NRXN3: variants seen among roughly 807,000 people sequenced by gnomAD.
The protein encoded by NRXN3 is neurexin 3.
A neutral mutation model predicts 137.6 loss-of-function variants in NRXN3; 32 were observed. The ratio of observed to expected loss-of-function variants is 0.23; its 90% CI spans 0.18 to 0.31. NRXN3 has a LOEUF of 0.31. Ranked by LOEUF, NRXN3 falls within the 10% of genes least tolerant of loss-of-function variation. The pLI, the probability that NRXN3 is intolerant of heterozygous loss-of-function variation, is 1.00. For missense variants in NRXN3, 1,574 were observed against 2,062.5 expected, an observed-to-expected ratio of 0.76 and a Z score of 4.59; for synonymous variants, 798 against 784.5, an observed-to-expected ratio of 1.02 and a Z score of -0.29.
At chr14:78,441,851 C>G (rs546035495) in intron 4 of NRXN3, among the ~76,000 whole-genome samples, 1 of 152,086 alleles carries the variant, frequency 6.6e-6, no homozygotes, top group Admixed American at 6.5e-5. Context: ...AATCCCAGCA[C>G]TTTGGGAGGC....
At chr14:78,887,840 G>A (rs1049050612) in intron 10 of NRXN3, among the ~76,000 whole-genome samples, 1 of 152,062 alleles carries the variant, frequency 6.6e-6, no homozygotes, top group Non-Finnish European at 1.5e-5. Context: ...CAGTTTTTAT[G>A]TCTGAAGGAA....
intron 19 of NRXN3, among the ~76,000 whole-genome samples, chr14:79,710,469 A>G (rs2098799348): frequency 6.6e-6 from 1 of 152,236 alleles, no homozygotes; most frequent in African/African-American, 2.4e-5. Flanking sequence ...TCATTTAAGA[A>G]GACTGCACAG....
chr14:79,520,685 C>T (rs549698781), intron 16 of NRXN3, among the ~76,000 whole-genome samples: 7 of 152,234 alleles, frequency 4.6e-5, no homozygotes, highest in South Asian at 4.2e-4. Flanking sequence ...TATCACTGGT[C>T]ATTAGAGAAA....
At chr14:79,204,306 G>T (rs948911234) in intron 15 of NRXN3, among the ~76,000 whole-genome samples, 1 of 151,454 alleles carries the variant, frequency 6.6e-6, no homozygotes, top group Non-Finnish European at 1.5e-5. Context: ...AATGTGCTTG[G>T]TTTTGTCTTT....
At chr14:79,119,826 C>A (rs549275396) in intron 15 of NRXN3, among the ~76,000 whole-genome samples, 1 of 152,188 alleles carries the variant, frequency 6.6e-6, no homozygotes, top group South Asian at 2.1e-4. Context: ...CCAATAGTAA[C>A]ATGGCCATGC....
At chr14:78,448,631 G>A (rs1312712266) in intron 4 of NRXN3, among the ~76,000 whole-genome samples, 2 of 152,182 alleles carry the variant, frequency 1.3e-5, no homozygotes, top group African/African-American at 4.8e-5. Flanking sequence ...GACACCGGAT[G>A]TTGTGCAATA....
At chr14:79,061,382 T>A (rs1162554166) in intron 15 of NRXN3, among the ~76,000 whole-genome samples, 25 of 152,138 alleles carry the variant, frequency 1.6e-4, no homozygotes, top group Admixed American at 1.6e-3. Context: ...GTCTGAGAGT[T>A]CCTGGCTAGA....
rs373996804 is a variant in NRXN3, at chr14:78,615,653, G to T, written c.758-29467G>T. ...CAATAACCAAAAAAACTAAGATCCA[G>T]GATGGGTACAGTGGCTCAGGCCTGT... On this transcript the variant is annotated intron_variant, in intron 4 of 20. Transcript: ENST00000335750. Among the ~76,000 whole-genome samples the T allele has an allele frequency of 9.9e-5, 15 of 152,028 alleles. No individual in the cohort carries two copies. The South Asian group carries it at 3.1e-3, about 32-fold the overall frequency.
intron 15 of NRXN3, among the ~76,000 whole-genome samples, chr14:79,263,764 A>G (rs1488702784): frequency 6.6e-6 from 1 of 152,210 alleles, no homozygotes; most frequent in Admixed American, 6.5e-5. Flanking sequence ...TAAATTGAAT[A>G]TAGTTTTGGA....
chr14:78,289,479 T>TAGAG (rs2075559533), intron 3 of NRXN3, among the ~76,000 whole-genome samples: 1 of 152,150 alleles, frequency 6.6e-6, no homozygotes, highest in Non-Finnish European at 1.5e-5. Flanking sequence ...TGGGAGGACT[T>TAGAG]TCTGGTAATT....
intron 10 of NRXN3, among the ~76,000 whole-genome samples, chr14:78,884,899 G>A (rs1338831967): frequency 6.6e-6 from 1 of 151,956 alleles, no homozygotes; most frequent in Non-Finnish European, 1.5e-5. Flanking sequence ...CTAGAGTTAG[G>A]AAGATGAAGT....
At chr14:78,827,271 G>GAA (rs11462484) in intron 10 of NRXN3, among the ~76,000 whole-genome samples, 3,420 of 142,086 alleles carry the variant, frequency 0.024, 55 homozygotes, top group African/African-American at 0.032. Flanking sequence ...TGAGAGGACC[G>GAA]AAAAAAAAAA....
chr14:78,778,321 C>A (rs113177475), intron 8 of NRXN3, among the ~76,000 whole-genome samples: 5,537 of 152,266 alleles, frequency 0.036, 163 homozygotes, highest in South Asian at 0.1. Context: ...TAGGCAATCC[C>A]ATGGGTTGTG....
chr14:78,243,142 C>T lies in NRXN3; in HGVS notation c.49C>T (p.Leu17=). ...SVFFTLKVSI[L]LGSLLGLCLG... is the part of the protein sequence containing the mutation. Reference sequence around the variant, plus strand: ...TTTCTTCACCCTGAAGGTCAGCATCCTGCTGGGGTCCCTGCTGGGGCTCTG... The same window carrying T: ...TTTCTTCACCCTGAAGGTCAGCATCTTGCTGGGGTCCCTGCTGGGGCTCTG... Residue 17 remains leucine, a synonymous_variant, in exon 2 of 21, where the codon CTG becomes TTG. Transcript: ENST00000335750. The surrounding 1 kb of genome is among the most constrained non-coding windows in gnomAD (Gnocchi z 4.2). The T allele has an allele frequency of 6.5e-7, 1 of 1,545,790 alleles. No homozygotes were observed. Among genetic ancestry groups the T allele is most frequent in the East Asian group, 2.4e-5 (1 of 41,568 alleles).
At chr14:79,405,902 A>G (rs978586088) in intron 15 of NRXN3, among the ~76,000 whole-genome samples, 6 of 152,156 alleles carry the variant, frequency 3.9e-5, no homozygotes, top group African/African-American at 1.4e-4. Flanking sequence ...TGAGAAAACC[A>G]TTATTTTACA....
chr14:79,374,256 A>G (rs1255455211), intron 15 of NRXN3, among the ~76,000 whole-genome samples: 2 of 151,956 alleles, frequency 1.3e-5, no homozygotes, highest in Non-Finnish European at 2.9e-5. Flanking sequence ...TGAACAGATG[A>G]CTCCCTGTTG....
chr14:79,273,676 T>C (rs1156907954), intron 15 of NRXN3, among the ~76,000 whole-genome samples: 2 of 152,250 alleles, frequency 1.3e-5, no homozygotes, highest in African/African-American at 2.4e-5. Flanking sequence ...TTATTATTGA[T>C]CATTTTTGTG....
At chr14:79,745,826 T>G (rs1323197037) in intron 19 of NRXN3, among the ~76,000 whole-genome samples, 1 of 152,072 alleles carries the variant, frequency 6.6e-6, no homozygotes, top group African/African-American at 2.4e-5. Context: ...TCTTTGGCCT[T>G]TTTTGGCTTG....
At position 79,070,304 on chromosome 14, in the gene NRXN3, C is replaced by T. The variant is rs146168161; in HGVS notation, c.3262+82163C>T. The stretch of plus-strand genomic sequence containing the variant: ...GTAAAAGGAAGGGGTGAGAGTTTCT[C>T]TCCATTCCCCCAAAGGAAGGAAGAG... On this transcript the variant is annotated intron_variant, in intron 15 of 20. Coordinates refer to ENST00000335750, the MANE Select transcript of NRXN3 (RefSeq NM_001330195.2). Among the ~76,000 whole-genome samples the T allele has an allele frequency of 7.2e-5, 11 of 152,244 alleles. No homozygotes were observed. In the East Asian group the frequency reaches 1.9e-3, roughly 27 times the overall value.
Sources: gnomAD v4.1 joint callset for allele counts (sites outside exome capture counted in the v4.1 genomes callset) on GRCh38, gnomAD v4.1.1 for gene constraint, Gnocchi (gnomAD v3.1) non-coding constraint, MANE v1.5 for transcripts, NCBI Gene and HGNC (gene_info 2026-07-23, HGNC 2026-07-21) for gene names.